INPP5K: variants seen among roughly 807,000 people sequenced by gnomAD.
INPP5K encodes the protein inositol polyphosphate-5-phosphatase K, also known as inositol polyphosphate 5-phosphatase K.
INPP5K carries 35 observed loss-of-function variants against 53.5 expected under a neutral mutation model. That is an observed-to-expected ratio of 0.65 (90% CI 0.50 to 0.87). The LOEUF is 0.87. INPP5K is among the 40% of genes least tolerant of loss of function. The pLI is 0.00. For missense variants in INPP5K, 550 were observed against 586.2 expected, an observed-to-expected ratio of 0.94 and a Z score of 0.64; for synonymous variants, 253 against 232.8, an observed-to-expected ratio of 1.09 and a Z score of -0.79.
intron 6 of INPP5K, chr17:1,507,787 C>T (rs1168454238): frequency 7.7e-5 from 15 of 193,982 alleles, no homozygotes; most frequent in Admixed American, 7.2e-4. Context: ...TCAGGTGATC[C>T]ACCCACCTCG....
chr17:1,501,148 C>T (rs2075001742), intron 7 of INPP5K, among the ~76,000 whole-genome samples: 1 of 151,848 alleles, frequency 6.6e-6, no homozygotes, highest in Non-Finnish European at 1.5e-5. Flanking sequence ...TTAGTAGAGA[C>T]TGGGTTTCAC....
chr17:1,496,352 G>A lies in INPP5K; in HGVS notation c.1152C>T (p.Asp384=), dbSNP rs777534819. 3 of 1,563,846 alleles carry A rather than the reference G, an allele frequency of 1.9e-6. No individual in the cohort carries two copies. Among genetic ancestry groups the A allele is most frequent in the Admixed American group, 3.8e-5 (2 of 52,076 alleles). The change falls in exon 10 of 12, where the codon GAC becomes GAT. Residue 384 remains aspartate, a synonymous_variant. Transcript: ENST00000421807. ...NDYVSYAWVG[D]SKVSCSDNLN... is the part of the protein sequence containing the mutation. ...GGTTGTCGCTGCAGGAGACCTTGCTGTCCCCGACCCAGGCATAGGACACGT... is the reference window on the plus strand; with the variant it reads ...GGTTGTCGCTGCAGGAGACCTTGCTATCCCCGACCCAGGCATAGGACACGT...
rs1193678261 is a variant in INPP5K, at chr17:1,508,101, C to T, written c.666+14G>A. 1.3e-6 allele frequency: 2 copies of T among 1,579,412 alleles called. No individual in the cohort carries two copies. The highest frequency in any genetic ancestry group is 1.7e-6 in the Non-Finnish European group (2 of 1,148,472). On this transcript the variant is annotated intron_variant, in intron 6 of 11. Transcript: ENST00000421807. Reference sequence around the variant, plus strand: ...GCTCAGATCACCCCCTGGGACCCTCCCCTCACTGGATACCTGGTCCTTCTC... The same window carrying T: ...GCTCAGATCACCCCCTGGGACCCTCTCCTCACTGGATACCTGGTCCTTCTC...
intron 7 of INPP5K, among the ~76,000 whole-genome samples, chr17:1,506,492 A>C (rs1175740906): frequency 6.6e-6 from 1 of 152,104 alleles, no homozygotes; most frequent in African/African-American, 2.4e-5. Flanking sequence ...CGTGCTTCTA[A>C]CTACCAGACT....
chr17:1,505,338 C>T (rs1195727398), intron 7 of INPP5K, among the ~76,000 whole-genome samples: 2 of 152,118 alleles, frequency 1.3e-5, no homozygotes, highest in Non-Finnish European at 2.9e-5. Context: ...GTTGCCCAGG[C>T]AGGTCTTGAA....
intron 7 of INPP5K, among the ~76,000 whole-genome samples, chr17:1,502,194 A>C (rs2075040291): frequency 6.7e-6 from 1 of 148,152 alleles, no homozygotes; most frequent in Admixed American, 6.7e-5. Context: ...CTAAAAATAC[A>C]AAAAATTAGC....
intron 2 of INPP5K, 108 bp from the exon 3 acceptor site, chr17:1,513,669 C>T: frequency 1.9e-6 from 2 of 1,047,978 alleles, no homozygotes; most frequent in Non-Finnish European, 3.0e-6. Context: ...TTCTGATGGC[C>T]ATGAGGTCTC....
At position 1,496,392 on chromosome 17, in the gene INPP5K, C is replaced by A. The variant is rs558584523; in HGVS notation, c.1112G>T (p.Arg371Leu). 2 of 1,560,498 alleles carry A rather than the reference C, an allele frequency of 1.3e-6. No homozygotes were observed. The highest frequency in any genetic ancestry group is 4.8e-5 in the East Asian group (2 of 42,050). The change falls in exon 10 of 12, where the codon CGG (arginine) becomes CTG (leucine). Residue 371 changes from arginine to leucine, a missense_variant. Transcript: ENST00000421807. ...DWIGLYKVGL[R>L]DVNDYVSYAW... ...ATAGGACACGTAGTCATTAACGTCCCGCAGCCCCACCTGTGAGGGGGAGTC... is the reference window on the plus strand; with the variant it reads ...ATAGGACACGTAGTCATTAACGTCCAGCAGCCCCACCTGTGAGGGGGAGTC...
At position 1,509,447 on chromosome 17, in the gene INPP5K, TC is replaced by T; in HGVS notation, c.379-95del. ...GGACCTGAGGGCAGACAGTCTCACT[TC>T]CTGCAGGGTCTCCTAGGGACAGTAA... On this transcript the variant is annotated intron_variant, in intron 4 of 11. Coordinates refer to ENST00000421807, the MANE Select transcript of INPP5K (RefSeq NM_016532.4). The T allele has an allele frequency of 1.1e-5, 13 of 1,213,792 alleles. No homozygotes were observed. The South Asian group carries it at 1.8e-4, about 17-fold the overall frequency. 75.2% of individuals were successfully genotyped at this position (1,213,792 alleles called of 1,614,324 possible).
chr17:1,506,093 G>A (rs1248053878), intron 7 of INPP5K, among the ~76,000 whole-genome samples: 6 of 151,816 alleles, frequency 4.0e-5, no homozygotes, highest in African/African-American at 1.2e-4. Context: ...GTGAGATCTC[G>A]GCTCACGGCA....
chr17:1,511,854 C>T (rs568187381), intron 3 of INPP5K, among the ~76,000 whole-genome samples: 116 of 123,096 alleles, frequency 9.4e-4, no homozygotes, highest in Non-Finnish European at 3.5e-4. Flanking sequence ...TGTGAAGGAG[C>T]AGCAGGGAAG....
intron 1 of INPP5K, among the ~76,000 whole-genome samples, chr17:1,514,757 G>T (rs2075393405): frequency 6.6e-6 from 1 of 152,070 alleles, no homozygotes; most frequent in Admixed American, 6.5e-5. Flanking sequence ...AGATCCTAGG[G>T]ATTCAGATTT....
chr17:1,498,489 T>TAAA (rs1181602746), intron 7 of INPP5K, among the ~76,000 whole-genome samples: 3 of 152,178 alleles, frequency 2.0e-5, no homozygotes, highest in Admixed American at 6.5e-5. Context: ...CCTGAGCTTG[T>TAAA]ATTTGGCTGC....
chr17:1,507,163 G>A (rs78092914), intron 6 of INPP5K, 74 bp from the exon 7 acceptor site: 15 of 1,099,940 alleles, frequency 1.4e-5, no homozygotes, highest in Admixed American at 3.7e-5. Flanking sequence ...CCATTCAAGG[G>A]ATCAGCACAT....
intron 7 of INPP5K, among the ~76,000 whole-genome samples, chr17:1,499,076 G>T (rs1013646671): frequency 6.6e-6 from 1 of 152,146 alleles, no homozygotes; most frequent in African/African-American, 2.4e-5. Context: ...CAACTTCCTC[G>T]CCTGCCAGTG....
At chr17:1,501,554 G>A (rs182714507) in intron 7 of INPP5K, among the ~76,000 whole-genome samples, 3 of 152,184 alleles carry the variant, frequency 2.0e-5, no homozygotes, top group South Asian at 2.1e-4. Context: ...GTCACGAAGC[G>A]GTAACTTTGA....
chr17:1,497,795 G>C (rs1454424728), intron 8 of INPP5K, 141 bp downstream of exon 8: 3 of 727,932 alleles, frequency 4.1e-6, no homozygotes, highest in South Asian at 3.6e-5. Flanking sequence ...TGGGATATCC[G>C]ACCTGGCAGG....
Position 1,495,640 on chromosome 17 carries a change from T to C in INPP5K, c.*183A>G, listed in dbSNP as rs1028373077. The stretch of plus-strand genomic sequence containing the variant: ...CAAAAACCTGTATTTAAGCGGCTAA[T>C]TCCAGAGATGAGTAGTGGAGAGAGC... On this transcript the variant is annotated 3_prime_UTR_variant, in exon 12 of 12. Transcript: ENST00000421807. 5 of 575,746 alleles carry C rather than the reference T, an allele frequency of 8.7e-6. No individual in the cohort carries two copies. The highest frequency in any genetic ancestry group is 3.3e-5 in the Admixed American group (1 of 30,308). 35.7% of individuals were successfully genotyped at this position (575,746 alleles called of 1,614,324 possible). A position where few individuals can be genotyped will look rare whatever the true frequency, so the allele number is the denominator to read the frequency against.
rs201122943 is a variant in INPP5K at position 1,509,198 on chromosome 17, G to A, written c.534C>T (p.Ile178=). ...CTCACTCGTGGTCCAGGATGTTTGGGATGTCTCGCCCCTCACAATTCTGCA... is the reference window on the plus strand; with the variant it reads ...CTCACTCGTGGTCCAGGATGTTTGGAATGTCTCGCCCCTCACAATTCTGCA... The part of the protein sequence containing the change: ...LEMQNCEGRD[I]PNILDHDLII... The change falls in exon 5 of 12, where the codon ATC becomes ATT. Residue 178 remains isoleucine, a synonymous_variant. Transcript: ENST00000421807. 2.5e-6 allele frequency: 4 copies of A among 1,613,324 alleles called. No homozygotes were observed. The highest frequency in any genetic ancestry group is 1.7e-5 in the Admixed American group (1 of 59,996).
Sources: gnomAD v4.1 joint callset for allele counts (sites outside exome capture counted in the v4.1 genomes callset) on GRCh38, gnomAD v4.1.1 for gene constraint, MANE v1.5 for transcripts, NCBI Gene and HGNC (gene_info 2026-07-23, HGNC 2026-07-21) for gene names.